The following SYNE3 variants were observed in gnomAD, a reference collection of about 807,000 sequenced individuals.
SYNE3 encodes spectrin repeat containing nuclear envelope family member 3.
SYNE3 carries 100 observed loss-of-function variants against 111.2 expected under a neutral mutation model. The observed-to-expected ratio is 0.90, with a 90% CI of 0.77 to 1.06. SYNE3 has a LOEUF of 1.06. Among genes scored for constraint, SYNE3 ranks in the 50% least tolerant of loss-of-function variants. The probability of loss-of-function intolerance (pLI) is 0.00; values close to 1 mark genes in which losing one functional copy is unlikely to be tolerated. For missense variants in SYNE3, 1,160 were observed against 1,240.3 expected (o/e 0.94, Z 0.97); for synonymous variants, 547 against 533.9 (o/e 1.02, Z -0.34).
intron 2 of SYNE3, 62 bp from the exon 3 acceptor site, chr14:95,468,029 G>A: frequency 1.3e-6 from 2 of 1,539,600 alleles, no homozygotes; most frequent in African/African-American, 2.7e-5. Context: ...ACAACCTTGG[G>A]AAGATAGTGG....
chr14:95,497,136 C>T (rs902929113), intron 1 of SYNE3, among the ~76,000 whole-genome samples: 31 of 152,256 alleles, frequency 2.0e-4, no homozygotes. Context: ...TGGTGAGTCA[C>T]TGCCCCAGCC....
At chr14:95,459,525 C>T (rs1285995016) in intron 4 of SYNE3, among the ~76,000 whole-genome samples, 1 of 152,150 alleles carries the variant, frequency 6.6e-6, no homozygotes, top group Non-Finnish European at 1.5e-5. Context: ...CTGACCTCAG[C>T]TCTTCACCAT....
At chr14:95,447,883 C>A (rs1172441650) in intron 8 of SYNE3, among the ~76,000 whole-genome samples, 1 of 152,140 alleles carries the variant, frequency 6.6e-6, no homozygotes, top group Admixed American at 6.5e-5. Context: ...TAAGAAAGAT[C>A]ATAGTAGAAA....
In SYNE3 at chr14:95,433,300, A is replaced by G. The variant is rs1303813624; in HGVS notation, c.2648T>C (p.Met883Thr). 6.2e-7 allele frequency: 1 copy of G among 1,614,148 alleles called. No individual in the cohort carries two copies. The highest frequency in any genetic ancestry group is 1.7e-5 in the Admixed American group (1 of 60,022). Reference protein sequence around the residue: ...DELEDLRYQWMLYKSKLKDSG... With the variant: ...DELEDLRYQWTLYKSKLKDSG... ...GTCCTTCAGCTTGGACTTGTACAGC[A>G]TCCACTGGTAGCGCAGATCTTCCAG... Residue 883 changes from methionine to threonine, a missense_variant, in exon 16 of 18, where the codon ATG (methionine) becomes ACG (threonine). Transcript: ENST00000682763.
At chr14:95,450,311 A>G in intron 7 of SYNE3, 1 of 634,338 alleles carries the variant, frequency 1.6e-6, no homozygotes, top group Non-Finnish European at 2.7e-6. Flanking sequence ...ATGAAAAGGC[A>G]TCAGCAGCAG....
chr14:95,482,679 A>G (rs1889331020), intron 1 of SYNE3, among the ~76,000 whole-genome samples: 1 of 152,154 alleles, frequency 6.6e-6, no homozygotes, highest in South Asian at 2.1e-4. Flanking sequence ...TCGGAGACAC[A>G]AACAGTCTGC....
Position 95,444,516 on chromosome 14 carries a change from G to C in SYNE3, c.1745C>G (p.Pro582Arg). ...QAEKGLQRDL[P>R]GKQAQLSRLQ... ...CCTTGAGAGCTGGGCCTGTTTTCCA[G>C]GAAGGTCCCGCTGAAGCCCCTTCTC... Residue 582 changes from proline to arginine, a missense_variant, in exon 10 of 18, where the codon CCT becomes CGT. Pro to Arg is a moderately radical substitution (Grantham distance 103). Transcript: ENST00000682763. 6.2e-7 allele frequency: 1 copy of C among 1,613,084 alleles called. No homozygotes were observed. Among genetic ancestry groups the C allele is most frequent in the Middle Eastern group, 1.7e-4 (1 of 5,744 alleles).
intron 1 of SYNE3, among the ~76,000 whole-genome samples, chr14:95,499,395 C>T (rs565335342): frequency 6.6e-6 from 1 of 152,156 alleles, no homozygotes; most frequent in Non-Finnish European, 1.5e-5. Context: ...TTCCCACCTC[C>T]TCTACTTGCA....
chr14:95,425,578 G>A (rs576202852), intron 17 of SYNE3, among the ~76,000 whole-genome samples: 4 of 152,278 alleles, frequency 2.6e-5, no homozygotes, highest in Non-Finnish European at 4.4e-5. Context: ...AAGAGTTGGC[G>A]CTCATGCAAG....
rs139217251 is a variant in SYNE3, at chr14:95,469,660, G to A, written c.145-1693C>T. Among the ~76,000 whole-genome samples the A allele has an allele frequency of 3.6e-3, 554 of 151,926 alleles. 16 individuals carry two copies. In the East Asian group the frequency reaches 0.086, roughly 23 times the overall value. ...TGGGAGGTCGAGGCTGCAGTGAGCC[G>A]TGATCAAACCACTACGCTCCAGCCT... is the stretch of plus-strand genomic sequence containing the variant. On this transcript the variant is annotated intron_variant, in intron 2 of 17. Transcript: ENST00000682763.
At chr14:95,450,513 A>C (rs55746827) in intron 7 of SYNE3, 43,736 of 165,294 alleles carry the variant, frequency 0.26, 5,959 homozygotes, top group African/African-American at 0.33. Context: ...CATCCCCCCC[A>C]AAAAAATTTA....
intron 4 of SYNE3, among the ~76,000 whole-genome samples, chr14:95,465,311 G>C (rs530292225): frequency 5.7e-4 from 86 of 150,400 alleles, no homozygotes; most frequent in Non-Finnish European, 1.2e-3. Context: ...TAAGCACTGC[G>C]AAACACTGGG....
chr14:95,478,720 T>A (rs1200024942), intron 1 of SYNE3, among the ~76,000 whole-genome samples: 2 of 152,220 alleles, frequency 1.3e-5, no homozygotes, highest in Non-Finnish European at 2.9e-5. Flanking sequence ...TCGGGCCACA[T>A]ACAGTCTCTG....
intron 17 of SYNE3, chr14:95,430,093 C>T (rs1205297339): frequency 1.7e-6 from 1 of 575,782 alleles, no homozygotes; most frequent in South Asian, 7.8e-5. Context: ...GTTGTAGGAA[C>T]CTGAGGCTGT....
rs187094328 is a variant in SYNE3 at position 95,457,715 on chromosome 14, C to T, written c.628-377G>A. Among the ~76,000 whole-genome samples, 397 of 152,334 alleles carry T rather than the reference C, an allele frequency of 2.6e-3. 4 individuals are homozygous for T. The highest frequency in any genetic ancestry group is 9.1e-3 in the African/African-American group (378 of 41,572). ...TGAGCACTCGCCAAGGTGCTGGGCA[C>T]TGCTCTAAGAGCTTGACATATATGA... On this transcript the variant is annotated intron_variant, in intron 4 of 17. Transcript: ENST00000682763.
rs1408176038 is a variant in SYNE3, at chr14:95,407,737, A to ATGTT, written c.*10088_*10089insAACA. ...ATGCAGCATCTACATGCACATATAC[A>ATGTT]CACACAAGTGTGAACGCATACACAA... On this transcript the variant is annotated 3_prime_UTR_variant, in exon 18 of 18. Coordinates refer to ENST00000682763, the MANE Select transcript of SYNE3 (RefSeq NM_152592.6). 1 of 152,088 alleles carries ATGTT rather than the reference A, an allele frequency of 6.6e-6. No homozygotes were observed. Among genetic ancestry groups the ATGTT allele is most frequent in the Non-Finnish European group, 1.5e-5 (1 of 68,030 alleles). The allele number at this position is 152,088 out of a possible 1,614,324, so 9.4% of individuals were successfully genotyped here. A position where few individuals can be genotyped will look rare whatever the true frequency, so the allele number is the denominator to read the frequency against.
chr14:95,450,698 A>T (rs1047658199), intron 7 of SYNE3: 1 of 152,482 alleles, frequency 6.6e-6, no homozygotes, highest in Non-Finnish European at 1.5e-5. Context: ...ATAAATAAAT[A>T]AAAGGCACGA....
Position 95,418,031 on chromosome 14 carries a change from G to A in SYNE3, c.2728-5C>T, listed in dbSNP as rs534132126. ...CAGTCCTCGCCACCGCCGAGTCTGCGGAACCAACACAGCACAGGTGAGTGG... is the reference window on the plus strand; with the variant it reads ...CAGTCCTCGCCACCGCCGAGTCTGCAGAACCAACACAGCACAGGTGAGTGG... On this transcript the variant is annotated splice_polypyrimidine_tract_variant and splice_region_variant and intron_variant, in intron 17 of 17. Coordinates refer to ENST00000682763, the MANE Select transcript of SYNE3 (RefSeq NM_152592.6). The A allele has an allele frequency of 1.2e-5, 19 of 1,607,508 alleles. No homozygotes were observed. The highest frequency in any genetic ancestry group is 1.1e-4 in the East Asian group (5 of 44,880).
Position 95,414,988 on chromosome 14 carries a change from TA to T in SYNE3, c.*2837del, listed in dbSNP as rs1163513070. 6.6e-6 allele frequency: 1 copy of T among 152,166 alleles called. No individual in the cohort carries two copies. Among genetic ancestry groups the T allele is most frequent in the Non-Finnish European group, 1.5e-5 (1 of 68,032 alleles). 9.4% of individuals were successfully genotyped at this position (152,166 alleles called of 1,614,324 possible). A position where few individuals can be genotyped will look rare whatever the true frequency, so the allele number is the denominator to read the frequency against. Reference sequence around the variant, plus strand: ...ACTTGATGGCATCATTATCAAAATTTAAAAAATATAGGTAGATATTCCCACC... The same window carrying T: ...ACTTGATGGCATCATTATCAAAATTTAAAAATATAGGTAGATATTCCCACC... On this transcript the variant is annotated 3_prime_UTR_variant, in exon 18 of 18. Coordinates refer to ENST00000682763, the MANE Select transcript of SYNE3 (RefSeq NM_152592.6).
Sources: allele counts gnomAD v4.1 joint callset (sites outside exome capture counted in the v4.1 genomes callset), GRCh38; gene constraint gnomAD v4.1.1; transcripts MANE v1.5; gene names NCBI Gene and HGNC (gene_info 2026-07-23, HGNC 2026-07-21).